Variants in ALK observed in about 807,000 individuals in gnomAD.
ALK encodes ALK receptor tyrosine kinase.
Under a neutral mutation model 163.1 loss-of-function variants are expected in ALK, and 74 were observed. The ratio of observed to expected loss-of-function variants is 0.45; its 90% CI spans 0.38 to 0.55. The LOEUF (loss-of-function observed/expected upper bound fraction) is 0.55. ALK is among the 20% of genes least tolerant of loss of function. The pLI, the probability that ALK is intolerant of heterozygous loss-of-function variation, is 0.00. For synonymous variants in ALK, 960 were observed against 843.2 expected, an observed-to-expected ratio of 1.14 and a Z score of -2.40; for missense variants, 2,063 against 2,105.3, an observed-to-expected ratio of 0.98 and a Z score of 0.39.
At chr2:29,271,224 A>C (rs1573180013) in intron 11 of ALK, among the ~76,000 whole-genome samples, 1 of 152,352 alleles carries the variant, frequency 6.6e-6, no homozygotes, top group Non-Finnish European at 1.5e-5. Flanking sequence ...CGTCATCCCC[A>C]GAAGGGCGTA....
intron 4 of ALK, among the ~76,000 whole-genome samples, chr2:29,398,860 C>A (rs573726149): frequency 1.3e-5 from 2 of 152,328 alleles, no homozygotes; most frequent in East Asian, 3.9e-4. Flanking sequence ...AGACAGCATT[C>A]AAAACAGCTC....
intron 1 of ALK, among the ~76,000 whole-genome samples, chr2:29,796,875 T>A (rs2148361077): frequency 6.6e-6 from 1 of 152,110 alleles, no homozygotes; most frequent in African/African-American, 2.4e-5. Flanking sequence ...TAAAATTCTA[T>A]TAGTGTAATT....
In ALK at chr2:29,921,305, G is replaced by T; in HGVS notation, c.-646C>A. On this transcript the variant is annotated 5_prime_UTR_variant, in exon 1 of 29. Transcript: ENST00000389048. ...TCTGGGCGTGAATCCCAGCCCCCGC[G>T]CTGCGCAAGTTTGCAGCGTCCTTGC... The T allele has an allele frequency of 4.3e-6, 1 of 233,362 alleles. No homozygotes were observed. The highest frequency in any genetic ancestry group is 8.5e-6 in the Non-Finnish European group (1 of 118,110). The allele number at this position is 233,362 out of a possible 1,614,324, so 14.5% of individuals were successfully genotyped here.
Position 29,528,127 on chromosome 2 carries a change from C to T in ALK, c.1154+3788G>A, listed in dbSNP as rs567970986. Reference sequence around the variant, plus strand: ...TATTAGTAATCCAAATGATTGGCAACTTCTATCCCCTTGAGGCCCAATTCT... The same window carrying T: ...TATTAGTAATCCAAATGATTGGCAATTTCTATCCCCTTGAGGCCCAATTCT... On this transcript the variant is annotated intron_variant, in intron 4 of 28. Coordinates refer to ENST00000389048, the MANE Select transcript of ALK (RefSeq NM_004304.5). Among the ~76,000 whole-genome samples the T allele has an allele frequency of 2.0e-5, 3 of 152,330 alleles. No individual in the cohort carries two copies. The South Asian group carries it at 6.2e-4, about 32-fold the overall frequency.
chr2:29,641,334 T>C (rs1573521123), intron 3 of ALK, among the ~76,000 whole-genome samples: 1 of 151,068 alleles, frequency 6.6e-6, no homozygotes, highest in Admixed American at 6.6e-5. Flanking sequence ...GCGGCAAGAG[T>C]CTTGAATGAA....
At chr2:29,716,026 C>G (rs940022612) in intron 2 of ALK, among the ~76,000 whole-genome samples, 1 of 151,956 alleles carries the variant, frequency 6.6e-6, no homozygotes, top group Admixed American at 6.6e-5. Context: ...GAACCAAGAG[C>G]GTTATAGATG....
chr2:29,217,569 A>G (rs1204855887), intron 23 of ALK, among the ~76,000 whole-genome samples: 1 of 152,140 alleles, frequency 6.6e-6, no homozygotes, highest in African/African-American at 2.4e-5. Flanking sequence ...GCGTCTGCAC[A>G]TCCGTTCTGT....
intron 1 of ALK, among the ~76,000 whole-genome samples, chr2:29,832,103 C>T (rs1355855592): frequency 6.6e-6 from 1 of 152,114 alleles, no homozygotes; most frequent in East Asian, 1.9e-4. Context: ...ATTGTCATCT[C>T]GTGGAAATGG....
At chr2:29,732,367 A>T (rs1293986548) in intron 1 of ALK, among the ~76,000 whole-genome samples, 1 of 152,150 alleles carries the variant, frequency 6.6e-6, no homozygotes, top group Non-Finnish European at 1.5e-5. Flanking sequence ...GGGGTCCCAG[A>T]CTCTGAAATG....
chr2:29,480,556 C>A (rs1671636975), intron 4 of ALK, among the ~76,000 whole-genome samples: 1 of 152,000 alleles, frequency 6.6e-6, no homozygotes, highest in South Asian at 2.1e-4. Context: ...TGTTATATTT[C>A]TTGTCTCTGC....
At chr2:29,768,713 CTG>C (rs1553359129) in intron 1 of ALK, among the ~76,000 whole-genome samples, 20 of 142,946 alleles carry the variant, frequency 1.4e-4, no homozygotes, top group African/African-American at 3.1e-4. Flanking sequence ...TTATATATGT[CTG>C]TGTGTGTGTG....
chr2:29,489,925 G>A (rs1490976148), intron 4 of ALK, among the ~76,000 whole-genome samples: 2 of 152,236 alleles, frequency 1.3e-5, no homozygotes, highest in Non-Finnish European at 2.9e-5. Context: ...ATGCAGGAAG[G>A]TGGAAAATCT....
chr2:29,611,770 A>C (rs571803332), intron 3 of ALK, among the ~76,000 whole-genome samples: 12 of 151,994 alleles, frequency 7.9e-5, no homozygotes, highest in African/African-American at 2.9e-4. Context: ...CCTTCGCTCT[A>C]TCTCTCTGTC....
At chr2:29,240,784 G>A (rs951494968) in intron 12 of ALK, among the ~76,000 whole-genome samples, 15 of 152,098 alleles carry the variant, frequency 9.9e-5, no homozygotes, top group African/African-American at 3.4e-4. Context: ...GACAGCTAAC[G>A]CACCAGCTAA....
chr2:29,380,822 T>C (rs1481322492), intron 5 of ALK, among the ~76,000 whole-genome samples: 4 of 152,122 alleles, frequency 2.6e-5, no homozygotes, highest in African/African-American at 9.7e-5. Flanking sequence ...CATGATCCAA[T>C]TACCCACCAG....
chr2:29,887,086 A>G (rs1667003863), intron 1 of ALK, among the ~76,000 whole-genome samples: 1 of 152,196 alleles, frequency 6.6e-6, no homozygotes, highest in African/African-American at 2.4e-5. Flanking sequence ...TTGCTGCCTA[A>G]CAAACTATCC....
At chr2:29,476,032 C>A (rs889230199) in intron 4 of ALK, among the ~76,000 whole-genome samples, 4 of 152,216 alleles carry the variant, frequency 2.6e-5, no homozygotes, top group Non-Finnish European at 2.9e-5. Flanking sequence ...GGCCAGGGAG[C>A]AGCCTGCTCC....
At chr2:29,646,591 C>A (rs1232997964) in intron 3 of ALK, among the ~76,000 whole-genome samples, 3 of 152,160 alleles carry the variant, frequency 2.0e-5, no homozygotes, top group Non-Finnish European at 4.4e-5. Flanking sequence ...CTGCCACTCT[C>A]CTCCTGCCTT....
intron 3 of ALK, among the ~76,000 whole-genome samples, chr2:29,646,040 T>G (rs1052709077): frequency 6.6e-6 from 1 of 152,110 alleles, no homozygotes. Flanking sequence ...CCGAGACCAC[T>G]GCCCTGAGAT....
Sources: gnomAD v4.1 joint callset for allele counts (sites outside exome capture counted in the v4.1 genomes callset) on GRCh38, gnomAD v4.1.1 for gene constraint, MANE v1.5 for transcripts, NCBI Gene and HGNC (gene_info 2026-07-23, HGNC 2026-07-21) for gene names.